Variants in MAMDC4 observed in about 807,000 individuals in gnomAD.
MAMDC4 encodes apical endosomal glycoprotein.
A neutral mutation model predicts 153.3 loss-of-function variants in MAMDC4; 168 were observed. That is an observed-to-expected ratio of 1.10 (90% CI 0.97 to 1.25). The LOEUF is 1.25. Ranked by LOEUF, MAMDC4 falls within the 50% of genes most tolerant of loss-of-function variation. MAMDC4 has a pLI of 0.00. For missense variants in MAMDC4, 1,701 were observed against 1,542.8 expected (o/e 1.10, Z -1.72); for synonymous variants, 744 against 651.5 (o/e 1.14, Z -2.16).
chr9:136,855,508 C>T lies in MAMDC4; in HGVS notation c.1360C>T (p.Gln454Ter). ...GCCCCTGCCGCCCAGCTCGCGGCTC[C>T]AGGATTCCTGCAAGCAGGGGCATCT... is the stretch of plus-strand genomic sequence containing the variant. Reference protein sequence around the residue: ...PQPLPPSSRLQDSCKQGHLAC... With the variant: ...PQPLPPSSRL The change falls in exon 12 of 27, where the codon CAG (glutamine) becomes TAG (stop). Residue 454 changes from glutamine (Q) to a stop codon, truncating the protein, a stop_gained. Transcript: ENST00000317446. LOFTEE classifies it high-confidence loss of function. 6.3e-7 allele frequency: 1 copy of T among 1,595,790 alleles called. No homozygotes were observed. The highest frequency in any genetic ancestry group is 8.5e-7 in the Non-Finnish European group (1 of 1,171,606).
intron 25 of MAMDC4, 40 bp from the exon 26 acceptor site, chr9:136,859,846 G>T: frequency 6.2e-7 from 1 of 1,607,752 alleles, no homozygotes; most frequent in Non-Finnish European, 8.5e-7. Flanking sequence ...CCAGATGTGG[G>T]GGCTGCTTTG....
rs755497648 is a variant in MAMDC4, at chr9:136,853,225, A to T, written c.154+16A>T. ...GCCCAGTGTGGTGAGCCAAGACCAG[A>T]TGGGCGGGCAGGGCCAGTGCGAGCA... On this transcript the variant is annotated intron_variant, in intron 2 of 26. Coordinates refer to ENST00000317446, the MANE Select transcript of MAMDC4 (RefSeq NM_206920.3). 4 of 1,612,592 alleles carry T rather than the reference A, an allele frequency of 2.5e-6. No homozygotes were observed. Among genetic ancestry groups the T allele is most frequent in the Admixed American group, 1.7e-5 (1 of 60,006 alleles).
Position 136,857,382 on chromosome 9 carries a change from C to T in MAMDC4, c.2122C>T (p.Leu708Phe). The part of the protein sequence containing the change: ...HAQYQLLFEG[L>F]RDGYHGTMAL... The stretch of plus-strand genomic sequence containing the variant: ...CCACCCCCAGCTGCTGTTCGAGGGC[C>T]TCCGGGACGGATACCACGGCACCAT... Residue 708 changes from leucine (L) to phenylalanine (F), a missense_variant, in exon 18 of 27, where the codon CTC (leucine) becomes TTC (phenylalanine). Coordinates refer to ENST00000317446, the MANE Select transcript of MAMDC4 (RefSeq NM_206920.3). The T allele has an allele frequency of 1.9e-6, 3 of 1,608,240 alleles. No homozygotes were observed. The highest frequency in any genetic ancestry group is 2.5e-6 in the Non-Finnish European group (3 of 1,179,846).
At chr9:136,858,124 C>G in intron 20 of MAMDC4, 27 bp downstream of exon 20, 1 of 1,532,682 alleles carries the variant, frequency 6.5e-7, no homozygotes, top group East Asian at 2.5e-5. Flanking sequence ...GTGCCCCTCC[C>G]CCTCCCCCTC....
At chr9:136,859,418 G>C in intron 25 of MAMDC4, 101 bp downstream of exon 25, 3 of 1,059,538 alleles carry the variant, frequency 2.8e-6, no homozygotes, top group South Asian at 1.6e-5. Context: ...GGAGCTGCGA[G>C]CATGCTGCAC....
Position 136,853,875 on chromosome 9 carries a change from G to T in MAMDC4, c.553G>T (p.Val185Leu), listed in dbSNP as rs768632754. 4.3e-6 allele frequency: 7 copies of T among 1,612,570 alleles called. No individual in the cohort carries two copies. The highest frequency in any genetic ancestry group is 5.9e-6 in the Non-Finnish European group (7 of 1,179,870). ...GGGCCCTGGCTGGCAGGAGTTGGCAGTGACCACAGGCCGCATCCGGGGTGA... is the reference window on the plus strand; with the variant it reads ...GGGCCCTGGCTGGCAGGAGTTGGCATTGACCACAGGCCGCATCCGGGGTGA... ...PWGPGWQELA[V>L]TTGRIRGDFR... The change falls in exon 5 of 27, where the codon GTG becomes TTG. Residue 185 changes from valine (V) to leucine (L), a missense_variant. Val to Leu is a conservative substitution (Grantham distance 32). Transcript: ENST00000317446.
At position 136,858,922 on chromosome 9, in the gene MAMDC4, AGGTGGCCTCCCCAGCCCGCC is replaced by A; in HGVS notation, c.2956+70_2957-63del. Reference sequence around the variant, plus strand: ...CAGGGGTCCAGGAGCAGAGGTGGGGAGGTGGCCTCCCCAGCCCGCCCCTGGTTAGGCGTGCAGGAGCCCCA... The same window carrying A: ...CAGGGGTCCAGGAGCAGAGGTGGGGACCTGGTTAGGCGTGCAGGAGCCCCA... On this transcript the variant is annotated intron_variant, in intron 23 of 26. Transcript: ENST00000317446. 5 of 1,548,496 alleles carry A rather than the reference AGGTGGCCTCCCCAGCCCGCC, an allele frequency of 3.2e-6. No individual in the cohort carries two copies. The African/African-American group carries it at 6.9e-5, about 21-fold the overall frequency.
rs748313858 is a variant in MAMDC4, at chr9:136,857,684, C to G, written c.2352C>G (p.Ser784Arg). Residue 784 changes from serine to arginine, a missense_variant, in exon 19 of 27, where the codon AGC becomes AGG. By Grantham distance (110) the Ser-to-Arg change is moderately radical. Transcript: ENST00000317446. ...AQGHYMVVDTSPDALPRGQTA... is the reference protein window; with the variant it reads ...AQGHYMVVDTRPDALPRGQTA... Reference sequence around the variant, plus strand: ...GGCACTACATGGTGGTGGACACAAGCCCAGACGCACTACCCCGGGGCCAGA... The same window carrying G: ...GGCACTACATGGTGGTGGACACAAGGCCAGACGCACTACCCCGGGGCCAGA... 17 of 1,612,470 alleles carry G rather than the reference C, an allele frequency of 1.1e-5. No homozygotes were observed. Among genetic ancestry groups the G allele is most frequent in the Admixed American group, 1.7e-5 (1 of 59,988 alleles).
intron 22 of MAMDC4, 60 bp downstream of exon 22, chr9:136,858,606 CA>C: frequency 6.3e-7 from 1 of 1,578,128 alleles, no homozygotes; most frequent in South Asian, 1.1e-5. Context: ...TCCTGCTGCC[CA>C]CCCACAGAGT....
rs981838918 is a variant in MAMDC4, at chr9:136,854,963, G to A, written c.1050G>A (p.Gly350=). The A allele has an allele frequency of 1.9e-6, 3 of 1,608,566 alleles. No homozygotes were observed. Among genetic ancestry groups the A allele is most frequent in the Non-Finnish European group, 2.5e-6 (3 of 1,178,058 alleles). Reference sequence around the variant, plus strand: ...TGGTCTTCTATCAGTACCTGAGTGGGTCTGAGGCTGGCTGCCTCCAGCTGT... The same window carrying A: ...TGGTCTTCTATCAGTACCTGAGTGGATCTGAGGCTGGCTGCCTCCAGCTGT... ...CSLVFYQYLS[G]SEAGCLQLFL... Residue 350 remains glycine (G), a synonymous_variant, in exon 10 of 27, where the codon GGG becomes GGA. Transcript: ENST00000317446.
rs753989300 is a variant in MAMDC4 at position 136,853,641 on chromosome 9, T to C, written c.425T>C (p.Leu142Pro). 1 of 1,604,528 alleles carries C rather than the reference T, an allele frequency of 6.2e-7. No homozygotes were observed. Among genetic ancestry groups the C allele is most frequent in the African/African-American group, 1.3e-5 (1 of 74,326 alleles). ...TLREAASSCK[L>P]RLWYHAASGD... ...CGAGAGGCAGCCTCCTCTTGCAAGC[T>C]GAGGCTCTGGTACCACGCGGCCTCT... The change falls in exon 4 of 27, where the codon CTG becomes CCG. Residue 142 changes from leucine to proline, a missense_variant. By Grantham distance (98) the Leu-to-Pro change is moderately conservative. Transcript: ENST00000317446.
chr9:136,857,770 G>A lies in MAMDC4; in HGVS notation c.2438G>A (p.Trp813Ter), dbSNP rs1223150412. Residue 813 changes from tryptophan (W) to a stop codon, truncating the protein, a stop_gained, in exon 19 of 27, where the codon TGG becomes TAG. Transcript: ENST00000317446. LOFTEE classifies it high-confidence loss of function. ...PLAQPACLTF[W>*]YHGSLRSPGT... The stretch of plus-strand genomic sequence containing the variant: ...GCCCAGCCTGCTTGTCTGACCTTCT[G>A]GTACCACGGGAGCCTCCGCAGCCCA... 1.3e-5 allele frequency: 21 copies of A among 1,612,556 alleles called. No individual in the cohort carries two copies. Among genetic ancestry groups the A allele is most frequent in the Non-Finnish European group, 1.8e-5 (21 of 1,179,824 alleles).
Position 136,858,536 on chromosome 9 carries a change from C to T in MAMDC4, c.2811C>T (p.Gly937=). The change falls in exon 22 of 27, where the codon GGC becomes GGT. Residue 937 remains glycine, a synonymous_variant. Transcript: ENST00000317446. The part of the protein sequence containing the change: ...YPQPPVDHTL[G]TEAGHFAFFE... ...AGCCCCCTGTGGACCACACCCTGGG[C>T]ACAGAGGCAGGTACGTGCCCACTGG... 2 of 1,582,808 alleles carry T rather than the reference C, an allele frequency of 1.3e-6. No homozygotes were observed. Among genetic ancestry groups the T allele is most frequent in the Non-Finnish European group, 1.7e-6 (2 of 1,165,872 alleles).
In MAMDC4 at chr9:136,856,139, C is replaced by T. The variant is rs1260762262; in HGVS notation, c.1710C>T (p.Ser570=). 6.2e-7 allele frequency: 1 copy of T among 1,612,128 alleles called. No homozygotes were observed. The change falls in exon 14 of 27, where the codon AGC becomes AGT. Residue 570 remains serine (S), a synonymous_variant. Transcript: ENST00000317446. The part of the protein sequence containing the change: ...CELHLAYYLQ[S]QPREVSCNFE... Reference sequence around the variant, plus strand: ...TCCACCTGGCTTATTATTTACAGAGCCAGCCCCGAGGTACCGCCACACTCC... The same window carrying T: ...TCCACCTGGCTTATTATTTACAGAGTCAGCCCCGAGGTACCGCCACACTCC...
intron 19 of MAMDC4, 61 bp from the exon 20 acceptor site, chr9:136,857,918 T>C: frequency 6.8e-7 from 1 of 1,472,946 alleles, no homozygotes; most frequent in Non-Finnish European, 9.0e-7. Context: ...GCCTGGGAGC[T>C]CAGACCAGGG....
In MAMDC4 at chr9:136,853,526, G is replaced by C. The variant is rs765081716; in HGVS notation, c.329-19G>C. 1 of 1,612,554 alleles carries C rather than the reference G, an allele frequency of 6.2e-7. No homozygotes were observed. The highest frequency in any genetic ancestry group is 1.7e-5 in the Admixed American group (1 of 60,018). ...CTCCTTGCTCCCTGCCCCGTCTCCT[G>C]ACCTCTCACCTGCGCCAGGCTGGTA... On this transcript the variant is annotated intron_variant, in intron 3 of 26. Coordinates refer to ENST00000317446, the MANE Select transcript of MAMDC4 (RefSeq NM_206920.3).
Position 136,859,040 on chromosome 9 carries a change from C to G in MAMDC4, c.2992C>G (p.Gln998Glu). 1.3e-6 allele frequency: 2 copies of G among 1,553,594 alleles called. No homozygotes were observed. ...GELKVLLHSA[Q>E]GQLAVWGAGG... ...GCTGAAGGTACTGCTGCACAGTGCT[C>G]AGGGCCAGCTGGCTGTGTGGGGCGC... Residue 998 changes from glutamine to glutamate, a missense_variant, in exon 24 of 27, where the codon CAG becomes GAG. Transcript: ENST00000317446.
rs754691837 is a variant in MAMDC4, at chr9:136,853,910, G to A, written c.585+3G>A. Reference sequence around the variant, plus strand: ...GCCGCATCCGGGGTGACTTCCGAGTGAGCTGGGAGGGTCTGGACGAGTGGG... The same window carrying A: ...GCCGCATCCGGGGTGACTTCCGAGTAAGCTGGGAGGGTCTGGACGAGTGGG... On this transcript the variant is annotated splice_donor_region_variant and intron_variant, in intron 5 of 26. Transcript: ENST00000317446. The A allele has an allele frequency of 1.2e-5, 20 of 1,612,582 alleles. No individual in the cohort carries two copies. The highest frequency in any genetic ancestry group is 1.7e-5 in the Admixed American group (1 of 59,968).
In MAMDC4 at chr9:136,853,469, G is replaced by A. The variant is rs916950657; in HGVS notation, c.328+11G>A. 5.6e-6 allele frequency: 9 copies of A among 1,607,540 alleles called. No individual in the cohort carries two copies. Among genetic ancestry groups the A allele is most frequent in the Non-Finnish European group, 7.7e-6 (9 of 1,176,320 alleles). ...TGGGCACCGACTTGGGTGAGGCCAGGGCAAGTCTCTGTGCGCCCCTGTCCC... is the reference window on the plus strand; with the variant it reads ...TGGGCACCGACTTGGGTGAGGCCAGAGCAAGTCTCTGTGCGCCCCTGTCCC... On this transcript the variant is annotated intron_variant, in intron 3 of 26. Transcript: ENST00000317446.
Sources: allele counts gnomAD v4.1 joint callset, GRCh38; gene constraint gnomAD v4.1.1; transcripts MANE v1.5; gene names NCBI Gene and HGNC (gene_info 2026-07-23, HGNC 2026-07-21).